NBEA: variants seen among roughly 807,000 people sequenced by gnomAD.
The protein encoded by NBEA is lysosomal-trafficking regulator 2.
NBEA carries 44 observed loss-of-function variants against 343.4 expected under a neutral mutation model. The ratio of observed to expected loss-of-function variants is 0.13; its 90% CI spans 0.10 to 0.16. The LOEUF is 0.16. Among genes scored for constraint, NBEA ranks in the 10% least tolerant of loss-of-function variants. NBEA has a pLI of 1.00. For missense variants in NBEA, 2,555 were observed against 3,631.3 expected, an observed-to-expected ratio of 0.70 and a Z score of 7.62; for synonymous variants, 1,175 against 1,238.7, an observed-to-expected ratio of 0.95 and a Z score of 1.08.
chr13:35,176,918 T>C (rs562025435), intron 27 of NBEA, 78 bp from the exon 28 acceptor site: 39 of 915,034 alleles, frequency 4.3e-5, no homozygotes, highest in South Asian at 2.6e-4. Context: ...GTGACCAGTT[T>C]AGCCTGAATT....
chr13:35,331,313 A>C (rs1402902197), intron 36 of NBEA, among the ~76,000 whole-genome samples: 1 of 151,670 alleles, frequency 6.6e-6, no homozygotes, highest in Non-Finnish European at 1.5e-5. Context: ...CTTAAAATCT[A>C]ATCTTACAGT....
At chr13:35,022,928 A>G (rs906493585) in intron 1 of NBEA, among the ~76,000 whole-genome samples, 1 of 152,148 alleles carries the variant, frequency 6.6e-6, no homozygotes, top group South Asian at 2.1e-4. Context: ...ATAATTTCAT[A>G]TAGCTTTATC....
chr13:35,548,005 G>A (rs971928607), intron 41 of NBEA, among the ~76,000 whole-genome samples: 1 of 152,286 alleles, frequency 6.6e-6, no homozygotes, highest in South Asian at 2.1e-4. Context: ...TGGTCACTGG[G>A]TGCTGGGAGC....
intron 36 of NBEA, among the ~76,000 whole-genome samples, chr13:35,335,410 T>C (rs2039191181): frequency 6.6e-6 from 1 of 152,158 alleles, no homozygotes; most frequent in Admixed American, 6.6e-5. Flanking sequence ...GGGGACTGCA[T>C]TGAATCTGTA....
intron 37 of NBEA, 107 bp downstream of exon 37, chr13:35,349,323 A>C: frequency 3.8e-6 from 2 of 530,070 alleles, no homozygotes; most frequent in Non-Finnish European, 6.8e-6. Flanking sequence ...ATTTCACTGA[A>C]GGCATTTCTG....
intron 38 of NBEA, among the ~76,000 whole-genome samples, chr13:35,422,490 A>G (rs1369579171): frequency 6.6e-6 from 1 of 151,896 alleles, no homozygotes; most frequent in African/African-American, 2.4e-5. Flanking sequence ...ATCCTTTTTT[A>G]TGGCTGCATA....
chr13:35,514,198 C>G (rs781075908), intron 41 of NBEA, among the ~76,000 whole-genome samples: 1 of 151,786 alleles, frequency 6.6e-6, no homozygotes, highest in Non-Finnish European at 1.5e-5. Context: ...GAGTTTATAG[C>G]GGACAAAATG....
intron 1 of NBEA, among the ~76,000 whole-genome samples, chr13:34,952,712 A>T (rs973094908): frequency 6.6e-6 from 1 of 152,190 alleles, no homozygotes; most frequent in South Asian, 2.1e-4. Context: ...ATTGGTTAAT[A>T]GCAAATTTTA....
chr13:34,979,903 G>A (rs1222965573), intron 1 of NBEA, among the ~76,000 whole-genome samples: 1 of 152,106 alleles, frequency 6.6e-6, no homozygotes, highest in Non-Finnish European at 1.5e-5. Flanking sequence ...TGAGATAAGG[G>A]TTCAGATTTC....
At chr13:34,960,413 T>C (rs2059626083) in intron 1 of NBEA, among the ~76,000 whole-genome samples, 1 of 151,844 alleles carries the variant, frequency 6.6e-6, no homozygotes, top group Admixed American at 6.6e-5. Flanking sequence ...AGAAATAAAC[T>C]TTTTTTTGTA....
chr13:34,967,695 C>G (rs977753549), intron 1 of NBEA, among the ~76,000 whole-genome samples: 1 of 151,972 alleles, frequency 6.6e-6, no homozygotes, highest in Non-Finnish European at 1.5e-5. Context: ...AATATTTTAG[C>G]CTTTGTGGGC....
intron 31 of NBEA, among the ~76,000 whole-genome samples, chr13:35,202,846 A>G (rs2073116700): frequency 6.6e-6 from 1 of 152,146 alleles, no homozygotes. Context: ...ATTCTTCCCT[A>G]TCTTAGTTAA....
intron 49 of NBEA, among the ~76,000 whole-genome samples, chr13:35,644,372 A>G (rs2084116463): frequency 6.6e-6 from 1 of 152,198 alleles, no homozygotes; most frequent in Admixed American, 6.5e-5. Context: ...AACTGCACAG[A>G]AGATTTCTAG....
intron 45 of NBEA, among the ~76,000 whole-genome samples, chr13:35,581,472 T>A (rs2081031922): frequency 6.6e-6 from 1 of 152,204 alleles, no homozygotes; most frequent in South Asian, 2.1e-4. Context: ...TGGTGTTGTT[T>A]GTTTTTTTCT....
intron 58 of NBEA, among the ~76,000 whole-genome samples, chr13:35,669,037 T>C (rs1179705250): frequency 6.6e-6 from 1 of 152,258 alleles, no homozygotes; most frequent in Non-Finnish European, 1.5e-5. Flanking sequence ...GTTTCTCATT[T>C]ATGTTATTTT....
At chr13:35,015,433 T>C (rs2061624314) in intron 1 of NBEA, among the ~76,000 whole-genome samples, 1 of 152,064 alleles carries the variant, frequency 6.6e-6, no homozygotes, top group African/African-American at 2.4e-5. Context: ...ATTTTGAAAC[T>C]GCCTGGCATG....
Position 35,165,130 on chromosome 13 carries a change from C to G in NBEA, c.4233+621C>G, listed in dbSNP as rs566430781. Reference sequence around the variant, plus strand: ...CGTATTAGAAACTCATCCTTAAGCTCAGAAAGCATACCTTTGCCAGAGGGA... The same window carrying G: ...CGTATTAGAAACTCATCCTTAAGCTGAGAAAGCATACCTTTGCCAGAGGGA... On this transcript the variant is annotated intron_variant, in intron 24 of 58. Coordinates refer to ENST00000379939, the MANE Select transcript of NBEA (RefSeq NM_001385012.1). The G allele has an allele frequency of 2.1e-5, 11 of 533,748 alleles. No homozygotes were observed. The East Asian group carries it at 6.0e-4, about 29-fold the overall frequency. 33.1% of individuals were successfully genotyped at this position (533,748 alleles called of 1,614,324 possible).
chr13:35,568,543 T>C (rs2080242270), intron 45 of NBEA, among the ~76,000 whole-genome samples: 1 of 152,160 alleles, frequency 6.6e-6, no homozygotes, highest in Non-Finnish European at 1.5e-5. Context: ...TTATAGATTA[T>C]CTAAATAATA....
At chr13:35,451,827 G>C (rs2046327036) in intron 39 of NBEA, among the ~76,000 whole-genome samples, 1 of 152,142 alleles carries the variant, frequency 6.6e-6, no homozygotes, top group Admixed American at 6.5e-5. Flanking sequence ...TCTACCACTA[G>C]CAACTGCTAG....
Sources: gnomAD v4.1 joint callset for allele counts (sites outside exome capture counted in the v4.1 genomes callset) on GRCh38, gnomAD v4.1.1 for gene constraint, MANE v1.5 for transcripts, NCBI Gene and HGNC (gene_info 2026-07-23, HGNC 2026-07-21) for gene names.